PHLPP1: variants seen among roughly 807,000 people sequenced by gnomAD.
PHLPP1 encodes PH domain and leucine rich repeat protein phosphatase 1.
In PHLPP1, 42 loss-of-function variants were observed where a neutral mutation model predicts 117.2. The observed-to-expected ratio is 0.36, with a 90% CI of 0.28 to 0.46. The LOEUF (loss-of-function observed/expected upper bound fraction) is 0.46, where lower values mean the gene tolerates loss of function less well. PHLPP1 is among the 20% of genes least tolerant of loss of function. The pLI is 1.00. For missense variants in PHLPP1, 2,084 were observed against 2,241.9 expected (o/e 0.93, Z 1.42); for synonymous variants, 1,042 against 970.7 (o/e 1.07, Z -1.37).
At position 62,874,651 on chromosome 18, in the gene PHLPP1, A is replaced by ACG. The variant is rs141876253; in HGVS notation, c.2066+14056_2066+14057dup. On this transcript the variant is annotated intron_variant, in intron 4 of 16. Coordinates refer to ENST00000262719, the MANE Select transcript of PHLPP1 (RefSeq NM_194449.4). ...GCATCCCATCACAGGGCGCGCACGCACGCGCGCACACACACACACACACAC... is the reference window on the plus strand; with the variant it reads ...GCATCCCATCACAGGGCGCGCACGCACGCGCGCGCACACACACACACACACAC... Among the ~76,000 whole-genome samples the ACG allele has an allele frequency of 7.2e-3, 963 of 134,158 alleles. 2 individuals carry two copies. Among genetic ancestry groups the ACG allele is most frequent in the African/African-American group, 0.01 (347 of 34,142 alleles). The allele number at this position is 134,158 out of a possible 152,430, so 88.0% of individuals were successfully genotyped here. A position where few individuals can be genotyped will look rare whatever the true frequency, so the allele number is the denominator to read the frequency against.
At chr18:62,967,954 G>A (rs1910950625) in intron 14 of PHLPP1, among the ~76,000 whole-genome samples, 1 of 151,796 alleles carries the variant, frequency 6.6e-6, no homozygotes, top group Admixed American at 6.6e-5. Context: ...CTCCCGAGTA[G>A]CTAGGATTTC....
intron 4 of PHLPP1, among the ~76,000 whole-genome samples, chr18:62,877,559 G>A (rs996623283): frequency 6.6e-6 from 1 of 152,202 alleles, no homozygotes; most frequent in Non-Finnish European, 1.5e-5. Flanking sequence ...TCCACTACCA[G>A]GGTTCCATGA....
intron 9 of PHLPP1, among the ~76,000 whole-genome samples, chr18:62,917,754 C>CA (rs1456288712): frequency 3.3e-5 from 5 of 151,552 alleles, no homozygotes; most frequent in Non-Finnish European, 7.4e-5. Flanking sequence ...GTTGAGGTTA[C>CA]AGTGACCTAT....
chr18:62,844,356 A>C (rs970238173), intron 3 of PHLPP1, among the ~76,000 whole-genome samples: 3 of 152,210 alleles, frequency 2.0e-5, no homozygotes, highest in Admixed American at 6.5e-5. Flanking sequence ...AATAAATAAA[A>C]TAAAAATAAA....
chr18:62,783,780 T>G (rs141392231), intron 1 of PHLPP1, among the ~76,000 whole-genome samples: 50 of 152,278 alleles, frequency 3.3e-4, no homozygotes, highest in African/African-American at 1.2e-3. Flanking sequence ...ATCATGTTTC[T>G]TATGGGGTGA....
chr18:62,967,932 C>G (rs1910950068), intron 14 of PHLPP1, among the ~76,000 whole-genome samples: 2 of 151,814 alleles, frequency 1.3e-5, no homozygotes, highest in African/African-American at 4.8e-5. Context: ...TCAAGCAGTT[C>G]TCCACCTCAG....
chr18:62,951,597 G>A (rs1328926979), intron 12 of PHLPP1, among the ~76,000 whole-genome samples: 1 of 152,014 alleles, frequency 6.6e-6, no homozygotes, highest in Non-Finnish European at 1.5e-5. Flanking sequence ...GAGATGCCTG[G>A]AATCACTTGT....
intron 4 of PHLPP1, among the ~76,000 whole-genome samples, chr18:62,863,188 C>G (rs532548845): frequency 2.0e-5 from 3 of 151,552 alleles, no homozygotes; most frequent in Non-Finnish European, 4.4e-5. Context: ...TCTCTTTTCT[C>G]TCTCTCTTCT....
chr18:62,813,923 T>A (rs2144314139), intron 1 of PHLPP1, among the ~76,000 whole-genome samples: 1 of 152,342 alleles, frequency 6.6e-6, no homozygotes, highest in East Asian at 1.9e-4. Flanking sequence ...TGGCTCATTT[T>A]ACTATAGTTT....
Position 62,978,741 on chromosome 18 carries a change from C to G in PHLPP1, c.4464C>G (p.Ser1488Arg). Residue 1488 changes from serine to arginine, a missense_variant, in exon 17 of 17, where the codon AGC becomes AGG. Transcript: ENST00000262719. This position sits in a 1 kb window ranked among gnomAD's most constrained non-coding sequence, Gnocchi z 7.0. The stretch of plus-strand genomic sequence containing the variant: ...AGCTCTCCACTTCTGAGATGAGCAG[C>G]GAGGTGGGGTCAACAGCCTCCGATG... ...SSELSTSEMS[S>R]EVGSTASDEP... is the part of the protein sequence containing the mutation. 6.2e-7 allele frequency: 1 copy of G among 1,613,518 alleles called. No individual in the cohort carries two copies. Among genetic ancestry groups the G allele is most frequent in the African/African-American group, 1.3e-5 (1 of 75,012 alleles).
At position 62,830,311 on chromosome 18, in the gene PHLPP1, A is replaced by C. The variant is rs114418971; in HGVS notation, c.1773+80A>C. 2.2e-3 allele frequency: 2,518 copies of C among 1,146,752 alleles called. 44 individuals carry two copies. In the African/African-American group the frequency reaches 0.034, roughly 16 times the overall value. 71.0% of individuals were successfully genotyped at this position (1,146,752 alleles called of 1,614,324 possible). A position where few individuals can be genotyped will look rare whatever the true frequency, so the allele number is the denominator to read the frequency against. ...GCTCAAGTGTAGTGGCGTGGTCTCA[A>C]CTCACTGCAACCTCTGCCTCCTGAG... On this transcript the variant is annotated intron_variant, in intron 2 of 16. Transcript: ENST00000262719.
chr18:62,871,325 T>G (rs1436190891), intron 4 of PHLPP1, among the ~76,000 whole-genome samples: 1 of 152,070 alleles, frequency 6.6e-6, no homozygotes, highest in African/African-American at 2.4e-5. Flanking sequence ...TTTATTTTTG[T>G]TTTTGTTTTT....
At chr18:62,765,594 G>T (rs1912444818) in intron 1 of PHLPP1, among the ~76,000 whole-genome samples, 1 of 152,128 alleles carries the variant, frequency 6.6e-6, no homozygotes, top group African/African-American at 2.4e-5. Context: ...TCAGCATATT[G>T]CAGTCTATTA....
intron 14 of PHLPP1, among the ~76,000 whole-genome samples, chr18:62,968,461 A>T (rs1168515010): frequency 6.6e-6 from 1 of 151,128 alleles, no homozygotes; most frequent in African/African-American, 2.4e-5. Flanking sequence ...TCTTTCAAGG[A>T]ATTAGTCTGC....
At chr18:62,766,844 G>C (rs1320850182) in intron 1 of PHLPP1, among the ~76,000 whole-genome samples, 1 of 152,022 alleles carries the variant, frequency 6.6e-6, no homozygotes, top group African/African-American at 2.4e-5. Context: ...CTAAAATCGA[G>C]TTACCAATCA....
chr18:62,834,354 G>A (rs1914833621), intron 2 of PHLPP1, among the ~76,000 whole-genome samples: 1 of 152,138 alleles, frequency 6.6e-6, no homozygotes, highest in Non-Finnish European at 1.5e-5. Flanking sequence ...AGAGTGATTG[G>A]TGAATAACAT....
At chr18:62,944,721 C>T (rs1286251249) in intron 11 of PHLPP1, among the ~76,000 whole-genome samples, 1 of 152,198 alleles carries the variant, frequency 6.6e-6, no homozygotes, top group Admixed American at 6.5e-5. Context: ...ACAAAGAAAT[C>T]ATACTCTCTG....
At chr18:62,971,068 T>A (rs1185434340) in intron 14 of PHLPP1, among the ~76,000 whole-genome samples, 4 of 152,222 alleles carry the variant, frequency 2.6e-5, no homozygotes, top group Non-Finnish European at 5.9e-5. Flanking sequence ...CACTGTCTCC[T>A]ACCAGGTTTC....
chr18:62,719,594 A>G (rs1910857989), intron 1 of PHLPP1, among the ~76,000 whole-genome samples: 1 of 152,176 alleles, frequency 6.6e-6, no homozygotes, highest in South Asian at 2.1e-4. Flanking sequence ...TTTTTTCTGT[A>G]GGAAGAGGAT....
Sources: gnomAD v4.1 joint callset for allele counts (sites outside exome capture counted in the v4.1 genomes callset) on GRCh38, gnomAD v4.1.1 for gene constraint, Gnocchi (gnomAD v3.1) non-coding constraint, MANE v1.5 for transcripts, NCBI Gene and HGNC (gene_info 2026-07-23, HGNC 2026-07-21) for gene names.